The following RORA variants were observed in gnomAD, a reference collection of about 807,000 sequenced individuals.
RORA encodes the protein RAR related orphan receptor A, also known as nuclear receptor ROR-alpha.
A neutral mutation model predicts 69.5 loss-of-function variants in RORA; 7 were observed. The observed-to-expected ratio is 0.10, with a 90% CI of 0.06 to 0.19. The LOEUF (loss-of-function observed/expected upper bound fraction) is 0.19. Among genes scored for constraint, RORA ranks in the 10% least tolerant of loss-of-function variants. The probability of loss-of-function intolerance (pLI) is 1.00; values close to 1 mark genes in which losing one functional copy is unlikely to be tolerated. For synonymous variants in RORA, 261 were observed against 240.8 expected, an observed-to-expected ratio of 1.08 and a Z score of -0.78; for missense variants, 457 against 663.0, an observed-to-expected ratio of 0.69 and a Z score of 3.41.
rs1235767457 is a variant in RORA at position 61,061,539 on chromosome 15, A to G, written c.166+167514T>C. On this transcript the variant is annotated intron_variant, in intron 1 of 10. Transcript: ENST00000335670. The surrounding 1 kb of genome is among the most constrained non-coding windows in gnomAD (Gnocchi z 4.4). ...AACTTCTGACCTCGCCCCTCATTCT[A>G]AAGTGTAATTCCCAGATTTTCAGTA... Among the ~76,000 whole-genome samples, 1 of 152,066 alleles carries G rather than the reference A, an allele frequency of 6.6e-6. No individual in the cohort carries two copies. The highest frequency in any genetic ancestry group is 1.9e-4 in the East Asian group (1 of 5,192).
In RORA at chr15:60,505,532, T is replaced by C. The variant is rs16942645; in HGVS notation, c.918A>G (p.Glu306=). The change falls in exon 6 of 11, where the codon GAA becomes GAG. Residue 306 remains glutamate, a synonymous_variant. Transcript: ENST00000335670. ...QQITWQTFLQ[E]EIENYQNKQR... The stretch of plus-strand genomic sequence containing the variant: ...CCTTGTTTTGATAGTTCTCAATTTC[T>C]TCCTGTAAAAAGGTCTGCCACGTTA... 16,068 of 1,613,946 alleles carry C rather than the reference T, an allele frequency of 1.0e-2. 1,407 individuals are homozygous for C. The African/African-American group carries it at 0.19, about 19-fold the overall frequency.
chr15:60,924,184 A>C (rs1892137564), intron 1 of RORA, among the ~76,000 whole-genome samples: 3 of 152,018 alleles, frequency 2.0e-5, no homozygotes, highest in South Asian at 4.2e-4. Flanking sequence ...TATCTCCTGA[A>C]GGTGTTAGCT....
chr15:60,587,355 T>C (rs1213458479), intron 2 of RORA, among the ~76,000 whole-genome samples: 1 of 152,216 alleles, frequency 6.6e-6, no homozygotes, highest in East Asian at 1.9e-4. Flanking sequence ...TAATTGGATC[T>C]ATTTTTTTCC....
intron 1 of RORA, among the ~76,000 whole-genome samples, chr15:61,024,193 G>A (rs1369801388): frequency 6.6e-6 from 1 of 151,710 alleles, no homozygotes; most frequent in African/African-American, 2.4e-5. Context: ...GTCAAACTGG[G>A]GTGGAAATCA....
intron 1 of RORA, among the ~76,000 whole-genome samples, chr15:60,949,978 C>T (rs1893032840): frequency 6.6e-6 from 1 of 152,054 alleles, no homozygotes; most frequent in South Asian, 2.1e-4. Flanking sequence ...CTCCAAGACA[C>T]ATAATTGTCA....
chr15:60,649,251 A>C (rs527411332), intron 2 of RORA, among the ~76,000 whole-genome samples: 1,665 of 152,116 alleles, frequency 0.011, 36 homozygotes, highest in East Asian at 0.083. Flanking sequence ...GAAAAAAAAA[A>C]AAAATCCCCG....
chr15:60,676,672 A>G (rs769954639), intron 2 of RORA, among the ~76,000 whole-genome samples: 14 of 152,238 alleles, frequency 9.2e-5, no homozygotes, highest in Middle Eastern at 3.2e-3. Flanking sequence ...AAGCCAGTAT[A>G]GCTGATGAAA....
At chr15:61,026,559 C>T (rs1355351608) in intron 1 of RORA, among the ~76,000 whole-genome samples, 2 of 152,162 alleles carry the variant, frequency 1.3e-5, no homozygotes, top group African/African-American at 2.4e-5. Flanking sequence ...TTATGAAATA[C>T]CATCCATAAT....
chr15:60,675,073 G>C (rs781383827), intron 2 of RORA, among the ~76,000 whole-genome samples: 1 of 152,188 alleles, frequency 6.6e-6, no homozygotes, highest in Non-Finnish European at 1.5e-5. Flanking sequence ...GCTGGAAAGA[G>C]CTAGGATGAT....
At chr15:61,214,934 G>A (rs929111887) in intron 1 of RORA, among the ~76,000 whole-genome samples, 3 of 142,340 alleles carry the variant, frequency 2.1e-5, no homozygotes, top group Non-Finnish European at 4.5e-5. Context: ...GCACGATCTC[G>A]GCTCACTGTA....
rs578233234 is a variant in RORA, at chr15:60,843,409, G to C, written c.167-164723C>G. Among the ~76,000 whole-genome samples, 3 of 152,266 alleles carry C rather than the reference G, an allele frequency of 2.0e-5. No individual in the cohort carries two copies. In the East Asian group the frequency reaches 5.8e-4, roughly 29 times the overall value. On this transcript the variant is annotated intron_variant, in intron 1 of 10. Transcript: ENST00000335670. ...CCTGGAGAGAAATAACTTGTCCAAGGTCATTCAGTATCAGAGTGGTAGAGC... is the reference window on the plus strand; with the variant it reads ...CCTGGAGAGAAATAACTTGTCCAAGCTCATTCAGTATCAGAGTGGTAGAGC...
At chr15:60,516,147 T>A (rs1307640819) in intron 3 of RORA, among the ~76,000 whole-genome samples, 3 of 57,762 alleles carry the variant, frequency 5.2e-5, no homozygotes, top group South Asian at 4.2e-4. Context: ...TTATATATAT[T>A]TATATATATA....
Position 61,077,171 on chromosome 15 carries a change from T to A in RORA, c.166+151882A>T, listed in dbSNP as rs147744553. 2.1e-4 allele frequency among the ~76,000 whole-genome samples: 32 copies of A among 150,018 alleles called. No homozygotes were observed. In the East Asian group the frequency reaches 5.7e-3, roughly 27 times the overall value. On this transcript the variant is annotated intron_variant, in intron 1 of 10. Transcript: ENST00000335670. ...TGTCAGCTGTTAAAGTAATATTTAA[T>A]CGTAGATGATACCAGGTGTGATCAA...
At chr15:60,578,130 T>C (rs2140474480) in intron 2 of RORA, among the ~76,000 whole-genome samples, 1 of 152,342 alleles carries the variant, frequency 6.6e-6, no homozygotes, top group East Asian at 1.9e-4. Context: ...TATCACTGAC[T>C]TTTTGTACTT....
intron 1 of RORA, among the ~76,000 whole-genome samples, chr15:60,969,265 C>T (rs1450510249): frequency 6.6e-6 from 1 of 152,194 alleles, no homozygotes; most frequent in Non-Finnish European, 1.5e-5. Context: ...TATGTAAATA[C>T]TTTGTCATCA....
intron 1 of RORA, among the ~76,000 whole-genome samples, chr15:60,684,843 A>T (rs945639250): frequency 6.6e-6 from 1 of 152,112 alleles, no homozygotes; most frequent in African/African-American, 2.4e-5. Context: ...GAAGGCTTTC[A>T]CAAGATTTAT....
chr15:60,806,690 C>T (rs1300997088), intron 1 of RORA, among the ~76,000 whole-genome samples: 1 of 152,148 alleles, frequency 6.6e-6, no homozygotes, highest in African/African-American at 2.4e-5. Flanking sequence ...GGAGAAACAA[C>T]CAACATGCTG....
chr15:61,104,232 T>C (rs530222612), intron 1 of RORA, among the ~76,000 whole-genome samples: 4 of 152,342 alleles, frequency 2.6e-5, no homozygotes, highest in Admixed American at 6.5e-5. Flanking sequence ...CTTCACGCTA[T>C]GCAGACAGGT....
intron 1 of RORA, among the ~76,000 whole-genome samples, chr15:61,190,390 T>C (rs1174555589): frequency 6.6e-6 from 1 of 152,210 alleles, no homozygotes; most frequent in Non-Finnish European, 1.5e-5. Flanking sequence ...ATGTCCTGCA[T>C]AAAGTGAGGC....
Sources: allele counts gnomAD v4.1 joint callset (sites outside exome capture counted in the v4.1 genomes callset), GRCh38; gene constraint gnomAD v4.1.1; non-coding constraint Gnocchi (gnomAD v3.1); transcripts MANE v1.5; gene names NCBI Gene and HGNC (gene_info 2026-07-23, HGNC 2026-07-21).